ANKMY1: variants seen among roughly 807,000 people sequenced by gnomAD.
The protein encoded by ANKMY1 is ankyrin repeat and MYND domain-containing protein 1.
ANKMY1 carries 98 observed loss-of-function variants against 102.0 expected under a neutral mutation model. The ratio of observed to expected loss-of-function variants is 0.96; its 90% CI spans 0.82 to 1.14. The LOEUF is 1.14. Ranked by LOEUF, ANKMY1 falls within the 50% of genes most tolerant of loss-of-function variation. ANKMY1 has a pLI of 0.00. For synonymous variants in ANKMY1, 582 were observed against 559.9 expected (o/e 1.04, Z -0.56); for missense variants, 1,330 against 1,347.6 (o/e 0.99, Z 0.20).
chr2:240,553,952 T>C (rs934043909), intron 3 of ANKMY1: 3 of 151,542 alleles, frequency 2.0e-5, no homozygotes, highest in African/African-American at 7.3e-5. Context: ...GGAGACCTCA[T>C]GCTGAGTGCC....
At chr2:240,559,505 C>G (rs2092755354), upstream of ANKMY1, among the ~76,000 whole-genome samples, 1 of 152,204 alleles carries the variant, frequency 6.6e-6, no homozygotes, top group African/African-American at 2.4e-5. Flanking sequence ...GGGAGTGTGG[C>G]CTTCACTTTT....
intron 15 of ANKMY1, among the ~76,000 whole-genome samples, chr2:240,493,820 CT>C (rs2076920508): frequency 6.6e-6 from 1 of 152,056 alleles, no homozygotes; most frequent in Non-Finnish European, 1.5e-5. Flanking sequence ...GTTCTTAGGG[CT>C]CCAAATGGCT....
chr2:240,529,019 C>A lies in ANKMY1; in HGVS notation c.953+18G>T. 1 of 1,610,506 alleles carries A rather than the reference C, an allele frequency of 6.2e-7. No homozygotes were observed. The highest frequency in any genetic ancestry group is 1.1e-5 in the South Asian group (1 of 90,860). On this transcript the variant is annotated intron_variant, in intron 5 of 17. Transcript: ENST00000401804. The surrounding 1 kb of genome is among the most constrained non-coding windows in gnomAD (Gnocchi z 4.2). ...ACAGTGCACGGCCCTAGGGGAGGAG[C>A]AGTAGCAGACTAGTCACCTGAACTT... is the stretch of plus-strand genomic sequence containing the variant.
At chr2:240,517,384 T>C (rs1313542725) in intron 9 of ANKMY1, among the ~76,000 whole-genome samples, 1 of 152,198 alleles carries the variant, frequency 6.6e-6, no homozygotes, top group Non-Finnish European at 1.5e-5. Context: ...TTGAGAAGAC[T>C]GGTTCTCCCA....
chr2:240,512,788 C>T lies in ANKMY1; in HGVS notation c.2145+14G>A. On this transcript the variant is annotated intron_variant, in intron 10 of 17. Transcript: ENST00000401804. ...CAAGGCCCCATACCCCTATCCAGGT[C>T]GCGAGGTACACACCTTGCCGGGCTT... The T allele has an allele frequency of 4.3e-6, 7 of 1,610,182 alleles. No homozygotes were observed. The highest frequency in any genetic ancestry group is 1.1e-5 in the South Asian group (1 of 90,484).
At chr2:240,469,053 G>C in the ANKMY1 span, among the ~76,000 whole-genome samples, 1 of 152,210 alleles carries the variant, frequency 6.6e-6, no homozygotes, top group Non-Finnish European at 1.5e-5. Context: ...TGGGGGCTCA[G>C]CGGGGCCCCT....
rs984596970 is a variant in ANKMY1, at chr2:240,552,674, G to A, written c.480+240C>T. The stretch of plus-strand genomic sequence containing the variant: ...TACATATTTAAAAATAAACACGTGC[G>A]TTTCTTAAATCTAAAGGACATGTAA... On this transcript the variant is annotated intron_variant, in intron 4 of 17. Coordinates refer to ENST00000401804, the MANE Select transcript of ANKMY1 (RefSeq NM_001282771.3). 39 of 552,706 alleles carry A rather than the reference G, an allele frequency of 7.1e-5. 1 individual carries two copies. The highest frequency in any genetic ancestry group is 7.9e-5 in the Non-Finnish European group (25 of 316,252). 34.2% of individuals were successfully genotyped at this position (552,706 alleles called of 1,614,324 possible). A position where few individuals can be genotyped will look rare whatever the true frequency, so the allele number is the denominator to read the frequency against.
intron 9 of ANKMY1, among the ~76,000 whole-genome samples, chr2:240,518,079 T>C (rs1431193650): frequency 6.6e-6 from 1 of 152,158 alleles, no homozygotes; most frequent in African/African-American, 2.4e-5. Flanking sequence ...TCCTCATGAT[T>C]GAGGAATTGA....
chr2:240,534,809 G>A (rs558547657), intron 4 of ANKMY1, among the ~76,000 whole-genome samples: 12 of 151,564 alleles, frequency 7.9e-5, no homozygotes, highest in African/African-American at 2.4e-4. Flanking sequence ...AAAGCATATC[G>A]GATTTAGACA....
chr2:240,544,536 T>C (rs2152542581), intron 4 of ANKMY1, among the ~76,000 whole-genome samples: 1 of 152,358 alleles, frequency 6.6e-6, no homozygotes, highest in Non-Finnish European at 1.5e-5. Flanking sequence ...AGCTCTGGTC[T>C]ACAGCTCCGA....
chr2:240,515,811 A>G (rs1057282161), intron 9 of ANKMY1, among the ~76,000 whole-genome samples: 26 of 151,920 alleles, frequency 1.7e-4, no homozygotes, highest in East Asian at 3.9e-4. Flanking sequence ...TCCTCCTCCC[A>G]GGTTCACACC....
downstream of ANKMY1, among the ~76,000 whole-genome samples, chr2:240,477,252 G>A (rs1252181461): frequency 6.6e-6 from 1 of 152,094 alleles, no homozygotes; most frequent in Admixed American, 6.5e-5. Flanking sequence ...GGAGGCAGAG[G>A]TTGCAGTGAG....
Position 240,520,547 on chromosome 2 carries a change from T to G in ANKMY1, c.1833-14A>C. The G allele has an allele frequency of 6.2e-7, 1 of 1,605,808 alleles. No homozygotes were observed. Among genetic ancestry groups the G allele is most frequent in the Non-Finnish European group, 8.5e-7 (1 of 1,175,746 alleles). Reference sequence around the variant, plus strand: ...CGCTTCCTCCGCCTGAAAAAGACGGTGCGCCCGTGGGCCCCTGGAGGGCAG... The same window carrying G: ...CGCTTCCTCCGCCTGAAAAAGACGGGGCGCCCGTGGGCCCCTGGAGGGCAG... On this transcript the variant is annotated splice_polypyrimidine_tract_variant and intron_variant, in intron 8 of 17. Transcript: ENST00000401804. The surrounding 1 kb of genome is among the most constrained non-coding windows in gnomAD (Gnocchi z 4.8).
At chr2:240,515,312 G>A (rs6717929) in intron 9 of ANKMY1, among the ~76,000 whole-genome samples, 50,347 of 151,928 alleles carry the variant, frequency 0.33, 8,990 homozygotes, top group African/African-American at 0.45. Context: ...CAAGGTGGGC[G>A]GATCACTAGG....
chr2:240,530,001 G>T lies in ANKMY1; in HGVS notation c.481-492C>A, dbSNP rs371157883. On this transcript the variant is annotated intron_variant, in intron 4 of 17. Transcript: ENST00000401804. Reference sequence around the variant, plus strand: ...AGAGGAAGGAGGGAAGAGCAGGAGAGGAGGCCAAAGGGAGGAGGGGAGGAG... The same window carrying T: ...AGAGGAAGGAGGGAAGAGCAGGAGATGAGGCCAAAGGGAGGAGGGGAGGAG... Among the ~76,000 whole-genome samples, 39 of 152,234 alleles carry T rather than the reference G, an allele frequency of 2.6e-4. 2 individuals are homozygous for T. In the South Asian group the frequency reaches 7.7e-3, roughly 30 times the overall value.
chr2:240,525,403 C>T (rs2083153345), intron 7 of ANKMY1, among the ~76,000 whole-genome samples: 1 of 152,262 alleles, frequency 6.6e-6, no homozygotes, highest in Non-Finnish European at 1.5e-5. Flanking sequence ...TGGATGCCCA[C>T]TCTCCCTCCA....
intron 13 of ANKMY1, among the ~76,000 whole-genome samples, chr2:240,502,874 C>T (rs944484057): frequency 6.6e-6 from 1 of 151,892 alleles, no homozygotes; most frequent in Non-Finnish European, 1.5e-5. Flanking sequence ...CTCCGCCCTA[C>T]ACCCCCAGGC....
chr2:240,482,298 G>A, intron 15 of ANKMY1, 37 bp from the exon 16 acceptor site: 1 of 1,587,196 alleles, frequency 6.3e-7, no homozygotes, highest in East Asian at 2.3e-5. Context: ...TACCCACGTG[G>A]CAGGGTGGGG....
chr2:240,516,378 G>A lies in ANKMY1; in HGVS notation c.2005-3436C>T, dbSNP rs75819032. 7.5e-3 allele frequency among the ~76,000 whole-genome samples: 1,145 copies of A among 152,226 alleles called. 17 individuals carry two copies. The highest frequency in any genetic ancestry group is 0.026 in the African/African-American group (1,097 of 41,538). ...GAGACATATTAGGCTTATTTGGCAC[G>A]TTAGAATTTTACAGAAAGTATTGTC... On this transcript the variant is annotated intron_variant, in intron 9 of 17. Coordinates refer to ENST00000401804, the MANE Select transcript of ANKMY1 (RefSeq NM_001282771.3).
Sources: gnomAD v4.1 joint callset for allele counts (sites outside exome capture counted in the v4.1 genomes callset) on GRCh38, gnomAD v4.1.1 for gene constraint, Gnocchi (gnomAD v3.1) non-coding constraint, MANE v1.5 for transcripts, NCBI Gene and HGNC (gene_info 2026-07-23, HGNC 2026-07-21) for gene names.